CDH4: variants seen among roughly 807,000 people sequenced by gnomAD.
The protein encoded by CDH4 is cadherin-4.
A neutral mutation model predicts 86.0 loss-of-function variants in CDH4; 33 were observed. The ratio of observed to expected loss-of-function variants is 0.38; its 90% confidence interval spans 0.29 to 0.51. The LOEUF is 0.51. Among genes scored for constraint, CDH4 ranks in the 20% least tolerant of loss-of-function variants. The pLI is 0.86. For synonymous variants in CDH4, 555 were observed against 549.4 expected (o/e 1.01, Z -0.14); for missense variants, 1,114 against 1,307.4 (o/e 0.85, Z 2.28).
chr20:61,808,464 G>A (rs930692599), intron 4 of CDH4, among the ~76,000 whole-genome samples: 5 of 152,068 alleles, frequency 3.3e-5, no homozygotes, highest in African/African-American at 1.2e-4. Flanking sequence ...ACTTCATTTT[G>A]AGTCTGTGGG....
chr20:61,853,198 C>T (rs1982820297), intron 6 of CDH4, among the ~76,000 whole-genome samples: 1 of 152,136 alleles, frequency 6.6e-6, no homozygotes, highest in African/African-American at 2.4e-5. Context: ...GCAGGCCCCT[C>T]TGTGCAGCTG....
chr20:61,520,869 ATTCAGAG>A (rs2085863865), intron 2 of CDH4, among the ~76,000 whole-genome samples: 2 of 152,192 alleles, frequency 1.3e-5, no homozygotes, highest in South Asian at 2.1e-4. Context: ...GAAGGGAATA[ATTCAGAG>A]TTCAAACAGG....
In CDH4 at chr20:61,750,593, C is replaced by T. The variant is rs186456307; in HGVS notation, c.396+6804C>T. Among the ~76,000 whole-genome samples the T allele has an allele frequency of 5.9e-5, 9 of 152,326 alleles. No homozygotes were observed. In the East Asian group the frequency reaches 1.7e-3, roughly 29 times the overall value. On this transcript the variant is annotated intron_variant, in intron 3 of 15. Transcript: ENST00000614565. ...AGATTACAAAAAGAGGAATTGCTCT[C>T]CCAAAGTTTTGTCCTCCCAAATCCT...
At position 61,901,908 on chromosome 20, in the gene CDH4, A is replaced by G. The variant is rs556055205; in HGVS notation, c.1188+6861A>G. On this transcript the variant is annotated intron_variant, in intron 8 of 15. Transcript: ENST00000614565. ...GGCCTCAGTGGCACCACTGTCCGTC[A>G]GAGGTGGAAGTAAAGTTCGCAGTCG... is the stretch of plus-strand genomic sequence containing the variant. Among the ~76,000 whole-genome samples, 17 of 152,340 alleles carry G rather than the reference A, an allele frequency of 1.1e-4. No homozygotes were observed. The South Asian group carries it at 2.5e-3, about 22-fold the overall frequency.
At chr20:61,642,540 C>T (rs2087021433) in intron 2 of CDH4, among the ~76,000 whole-genome samples, 1 of 152,230 alleles carries the variant, frequency 6.6e-6, no homozygotes, top group African/African-American at 2.4e-5. Flanking sequence ...TGGAGCACAA[C>T]AGGATCTGGT....
intron 2 of CDH4, among the ~76,000 whole-genome samples, chr20:61,379,687 A>G (rs1274994920): frequency 6.6e-6 from 1 of 152,172 alleles, no homozygotes; most frequent in Non-Finnish European, 1.5e-5. Flanking sequence ...CTGATTCGAC[A>G]AAGAATTTTT....
chr20:61,398,929 C>T (rs1466671858), intron 2 of CDH4, among the ~76,000 whole-genome samples: 28 of 152,168 alleles, frequency 1.8e-4, no homozygotes, highest in Non-Finnish European at 4.4e-5. Context: ...GTTGCTCTCA[C>T]ATTTTCAGAT....
At chr20:61,560,166 G>T (rs1484758306) in intron 2 of CDH4, among the ~76,000 whole-genome samples, 2 of 152,134 alleles carry the variant, frequency 1.3e-5, no homozygotes, top group African/African-American at 4.8e-5. Context: ...GGGAACCAAT[G>T]TCATCAGCAT....
At chr20:61,612,500 A>G (rs1024446386) in intron 2 of CDH4, among the ~76,000 whole-genome samples, 48 of 152,182 alleles carry the variant, frequency 3.2e-4, no homozygotes, top group African/African-American at 1.1e-3. Flanking sequence ...TGAGGGTGCC[A>G]TATGCATGCT....
intron 4 of CDH4, among the ~76,000 whole-genome samples, chr20:61,787,135 C>A (rs944748204): frequency 6.6e-6 from 1 of 152,076 alleles, no homozygotes; most frequent in Non-Finnish European, 1.5e-5. Context: ...TCTGTCCGTC[C>A]ATCCATCCAT....
intron 7 of CDH4, among the ~76,000 whole-genome samples, chr20:61,884,874 C>T (rs112292256): frequency 4.6e-5 from 7 of 152,178 alleles, no homozygotes; most frequent in South Asian, 4.2e-4. Flanking sequence ...CAGCCTGTAG[C>T]GGGAGGTGCG....
At chr20:61,316,952 A>G (rs989709226) in intron 2 of CDH4, among the ~76,000 whole-genome samples, 19 of 150,998 alleles carry the variant, frequency 1.3e-4, no homozygotes, top group African/African-American at 4.6e-4. Context: ...AACGTCTGGC[A>G]GCAGCCTTTA....
chr20:61,691,859 C>T (rs918535336), intron 2 of CDH4, among the ~76,000 whole-genome samples: 9 of 151,196 alleles, frequency 6.0e-5, no homozygotes, highest in Non-Finnish European at 7.4e-5. Flanking sequence ...GACTGTGTAT[C>T]GCACACCTGT....
At chr20:61,322,020 C>T (rs532064698) in intron 2 of CDH4, among the ~76,000 whole-genome samples, 1 of 152,164 alleles carries the variant, frequency 6.6e-6, no homozygotes, top group East Asian at 1.9e-4. Context: ...AGGAAGGTGA[C>T]ATTGAACATG....
chr20:61,539,422 C>G (rs1217056225), intron 2 of CDH4, among the ~76,000 whole-genome samples: 1 of 152,224 alleles, frequency 6.6e-6, no homozygotes, highest in Non-Finnish European at 1.5e-5. Flanking sequence ...TGAGACCTCT[C>G]TCCTTGGCTT....
At chr20:61,542,354 A>G (rs2086045967) in intron 2 of CDH4, among the ~76,000 whole-genome samples, 1 of 152,106 alleles carries the variant, frequency 6.6e-6, no homozygotes, top group African/African-American at 2.4e-5. Context: ...TGGGGTTGCA[A>G]TGTGTTCTCA....
chr20:61,810,194 G>A lies in CDH4; in HGVS notation c.577-34474G>A, dbSNP rs950658733. 1.3e-5 allele frequency among the ~76,000 whole-genome samples: 2 copies of A among 152,160 alleles called. No individual in the cohort carries two copies. Among genetic ancestry groups the A allele is most frequent in the Admixed American group, 6.5e-5 (1 of 15,282 alleles). On this transcript the variant is annotated intron_variant, in intron 4 of 15. Coordinates refer to ENST00000614565, the MANE Select transcript of CDH4 (RefSeq NM_001794.5). The surrounding 1 kb of genome is among the most constrained non-coding windows in gnomAD (Gnocchi z 4.3). Reference sequence around the variant, plus strand: ...GAGACAGAGATGGGTGAGGGAGGCCGGGCCAGCCACACTAACATCCCACTG... The same window carrying A: ...GAGACAGAGATGGGTGAGGGAGGCCAGGCCAGCCACACTAACATCCCACTG...
intron 2 of CDH4, among the ~76,000 whole-genome samples, chr20:61,607,602 C>T (rs6061293): frequency 6.6e-6 from 1 of 152,160 alleles, no homozygotes; most frequent in South Asian, 2.1e-4. Context: ...TTTCCGACAC[C>T]TACGTGGACT....
In CDH4 at chr20:61,924,520, G is replaced by A. The variant is rs374501110; in HGVS notation, c.1771+44G>A. On this transcript the variant is annotated intron_variant, in intron 11 of 15. Transcript: ENST00000614565. Reference sequence around the variant, plus strand: ...AGGCAGCCGTCTCGGTGGCCTTCCCGTGTCCTGGGTTCTGTGGGCGAGGGA... The same window carrying A: ...AGGCAGCCGTCTCGGTGGCCTTCCCATGTCCTGGGTTCTGTGGGCGAGGGA... 6.7e-5 allele frequency: 106 copies of A among 1,589,088 alleles called. 2 individuals carry two copies. The highest frequency in any genetic ancestry group is 2.9e-4 in the South Asian group (26 of 88,492).
Sources: gnomAD v4.1 joint callset for allele counts (sites outside exome capture counted in the v4.1 genomes callset) on GRCh38, gnomAD v4.1.1 for gene constraint, Gnocchi (gnomAD v3.1) non-coding constraint, MANE v1.5 for transcripts, NCBI Gene and HGNC (gene_info 2026-07-23, HGNC 2026-07-21) for gene names.